Variants in TNFSF10 observed in about 807,000 individuals in gnomAD.
The protein encoded by TNFSF10 is tumor necrosis factor ligand superfamily member 10.
Under a neutral mutation model 29.5 loss-of-function variants are expected in TNFSF10, and 13 were observed. That is an observed-to-expected ratio of 0.44 (90% CI 0.29 to 0.70). The LOEUF is 0.70. Ranked by LOEUF, TNFSF10 falls within the 30% of genes least tolerant of loss-of-function variation. TNFSF10 has a pLI of 0.13. For missense variants in TNFSF10, 345 were observed against 330.9 expected (o/e 1.04, Z -0.33); for synonymous variants, 111 against 112.8 (o/e 0.98, Z 0.10).
chr3:172,517,843 G>A (rs1286231383), intron 1 of TNFSF10: 15 of 984,662 alleles, frequency 1.5e-5, no homozygotes, highest in African/African-American at 3.5e-5. Flanking sequence ...AGATCACATT[G>A]TCATTTTGGT....
intron 4 of TNFSF10, 70 bp from the exon 5 acceptor site, chr3:172,506,989 A>T: frequency 7.5e-7 from 1 of 1,340,422 alleles, no homozygotes; most frequent in Non-Finnish European, 1.0e-6. Flanking sequence ...GCTTTTTTGC[A>T]GCTGTGGCCA....
In TNFSF10 at chr3:172,506,364, T is replaced by G; in HGVS notation, c.*128A>C. Reference sequence around the variant, plus strand: ...TTGTGGCTGCTCTACTCAGATTGCATAGAGGTTTTTTTGTTTTCTGTTTTC... The same window carrying G: ...TTGTGGCTGCTCTACTCAGATTGCAGAGAGGTTTTTTTGTTTTCTGTTTTC... On this transcript the variant is annotated 3_prime_UTR_variant, in exon 5 of 5. Transcript: ENST00000241261. The G allele has an allele frequency of 8.3e-7, 1 of 1,208,360 alleles. No individual in the cohort carries two copies. Among genetic ancestry groups the G allele is most frequent in the Non-Finnish European group, 1.1e-6 (1 of 883,134 alleles). 74.9% of individuals were successfully genotyped at this position (1,208,360 alleles called of 1,614,324 possible). A position where few individuals can be genotyped will look rare whatever the true frequency, so the allele number is the denominator to read the frequency against.
chr3:172,518,502 T>G (rs1449487956), intron 1 of TNFSF10: 10 of 1,277,170 alleles, frequency 7.8e-6, no homozygotes, highest in Non-Finnish European at 1.0e-5. Flanking sequence ...TGGAGATCCG[T>G]GGAGAGGAAG....
At chr3:172,522,330 A>G (rs1713734574) in intron 1 of TNFSF10, 2 of 915,456 alleles carry the variant, frequency 2.2e-6, no homozygotes, top group Non-Finnish European at 3.6e-6. Flanking sequence ...TCTAAGAGCT[A>G]CATTACAGAT....
chr3:172,509,519 A>C (rs1406356763), intron 3 of TNFSF10, among the ~76,000 whole-genome samples, 198 bp from the exon 4 acceptor site: 1 of 152,206 alleles, frequency 6.6e-6, no homozygotes, highest in Non-Finnish European at 1.5e-5. Flanking sequence ...AGTACTTTAC[A>C]CGGAAAGAAT....
At chr3:172,518,306 TG>T (rs1713526560) in intron 1 of TNFSF10, 4 of 1,210,686 alleles carry the variant, frequency 3.3e-6, no homozygotes, top group Non-Finnish European at 4.2e-6. Context: ...TGACTGCTCT[TG>T]GTGCTGTTAC....
chr3:172,508,900 GGAAA>G (rs1380329406), intron 4 of TNFSF10, among the ~76,000 whole-genome samples: 5 of 137,290 alleles, frequency 3.6e-5, no homozygotes, highest in East Asian at 2.1e-4. Context: ...AAAAAAAAAA[GGAAA>G]GAAAGAAAGA....
chr3:172,508,142 G>T (rs1181839765), intron 4 of TNFSF10, among the ~76,000 whole-genome samples: 1 of 151,692 alleles, frequency 6.6e-6, no homozygotes, highest in Non-Finnish European at 1.5e-5. Context: ...TCAAGAGTTT[G>T]AGACCAGCCT....
chr3:172,510,118 C>T (rs924504329), intron 3 of TNFSF10, among the ~76,000 whole-genome samples: 2 of 152,064 alleles, frequency 1.3e-5, no homozygotes, highest in Non-Finnish European at 2.9e-5. Context: ...GGCACTACAC[C>T]CCAGAGGGCT....
chr3:172,507,054 C>T, intron 4 of TNFSF10, 135 bp from the exon 5 acceptor site: 2 of 723,330 alleles, frequency 2.8e-6, no homozygotes, highest in Non-Finnish European at 2.2e-6. Flanking sequence ...AAACTTCTTC[C>T]TCCTTCAATC....
chr3:172,510,884 G>A (rs1434158755), intron 3 of TNFSF10, among the ~76,000 whole-genome samples: 1 of 151,950 alleles, frequency 6.6e-6, no homozygotes, highest in Non-Finnish European at 1.5e-5. Context: ...AAGAATAACA[G>A]ATTTAAAAAA....
chr3:172,522,717 A>G (rs1299113038), intron 1 of TNFSF10, among the ~76,000 whole-genome samples: 1 of 152,218 alleles, frequency 6.6e-6, no homozygotes, highest in Admixed American at 6.5e-5. Flanking sequence ...CCATAAGCAG[A>G]GCTGTCACAG....
chr3:172,518,919 T>G (rs530777535), intron 1 of TNFSF10, among the ~76,000 whole-genome samples: 48 of 145,290 alleles, frequency 3.3e-4, no homozygotes, highest in Non-Finnish European at 6.4e-4. Flanking sequence ...TAGCATTGTA[T>G]TGTATTGAAA....
At chr3:172,515,256 C>T (rs1453997035) in intron 1 of TNFSF10, among the ~76,000 whole-genome samples, 1 of 152,100 alleles carries the variant, frequency 6.6e-6, no homozygotes, top group African/African-American at 2.4e-5. Context: ...TCCTTCCCTG[C>T]CTCCCTTACT....
At chr3:172,518,302 C>A in intron 1 of TNFSF10, 1 of 1,206,076 alleles carries the variant, frequency 8.3e-7, no homozygotes, top group Non-Finnish European at 1.1e-6. Flanking sequence ...ATGGTGACTG[C>A]TCTTGGTGCT....
intron 3 of TNFSF10, among the ~76,000 whole-genome samples, chr3:172,509,976 C>CAAAAAA (rs11290814): frequency 2.0e-5 from 2 of 101,910 alleles, no homozygotes; most frequent in Non-Finnish European, 2.1e-5. Context: ...AAGACTCCGT[C>CAAAAAA]AAAAAAAAAA....
chr3:172,516,088 C>T (rs1258969711), intron 1 of TNFSF10, among the ~76,000 whole-genome samples: 1 of 152,026 alleles, frequency 6.6e-6, no homozygotes, highest in Non-Finnish European at 1.5e-5. Context: ...CAGTGAAACC[C>T]CATCTCTACT....
intron 4 of TNFSF10, among the ~76,000 whole-genome samples, chr3:172,508,320 A>C (rs915471330): frequency 7.2e-5 from 11 of 152,090 alleles, no homozygotes; most frequent in African/African-American, 2.2e-4. Context: ...AAAACAAAAA[A>C]ATACCCATGC....
At position 172,514,870 on chromosome 3, in the gene TNFSF10, G is replaced by A. The variant is rs1291288240; in HGVS notation, c.261C>T (p.Leu87=). ...TGGTGAGGTTACCTACCTTTCTAAC[G>A]AGCTGACGGAGTTGCCACTTGACTT... The part of the protein sequence containing the change: ...CWQVKWQLRQ[L]VRKMILRTSE... Residue 87 remains leucine, a synonymous_variant, in exon 2 of 5, where the codon CTC becomes CTT. Coordinates refer to ENST00000241261, the MANE Select transcript of TNFSF10 (RefSeq NM_003810.4). The A allele has an allele frequency of 5.6e-6, 9 of 1,614,018 alleles. No individual in the cohort carries two copies. Among genetic ancestry groups the A allele is most frequent in the Admixed American group, 3.3e-5 (2 of 59,998 alleles).
Sources: allele counts gnomAD v4.1 joint callset (sites outside exome capture counted in the v4.1 genomes callset), GRCh38; gene constraint gnomAD v4.1.1; transcripts MANE v1.5; gene names NCBI Gene and HGNC (gene_info 2026-07-23, HGNC 2026-07-21).